The following ARHGAP44 variants were observed in gnomAD, a reference collection of about 807,000 sequenced individuals.
ARHGAP44 encodes the protein rho GTPase-activating protein 44.
In ARHGAP44, 43 loss-of-function variants were observed where a neutral mutation model predicts 106.8. That is an observed-to-expected ratio of 0.40 (90% CI 0.32 to 0.52). ARHGAP44 has a LOEUF of 0.52. ARHGAP44 is among the 20% of genes least tolerant of loss of function. ARHGAP44 has a pLI of 0.48. For missense variants in ARHGAP44, 866 were observed against 1,050.5 expected, an observed-to-expected ratio of 0.82 and a Z score of 2.43; for synonymous variants, 439 against 410.3, an observed-to-expected ratio of 1.07 and a Z score of -0.85.
chr17:12,941,127 A>G lies in ARHGAP44; in HGVS notation c.651+3A>G, dbSNP rs977906592. 3 of 1,613,678 alleles carry G rather than the reference A, an allele frequency of 1.9e-6. No individual in the cohort carries two copies. The highest frequency in any genetic ancestry group is 2.7e-5 in the African/African-American group (2 of 74,922). ...ACTATGCAAACTACTTTCAAACGGT[A>G]AGTGCCCAGAAAGGTGAGATTGCTT... is the stretch of plus-strand genomic sequence containing the variant. On this transcript the variant is annotated splice_donor_region_variant and intron_variant, in intron 8 of 20. Coordinates refer to ENST00000379672, the MANE Select transcript of ARHGAP44 (RefSeq NM_014859.6).
At chr17:12,843,013 G>C (rs757240359) in intron 1 of ARHGAP44, among the ~76,000 whole-genome samples, 1 of 152,016 alleles carries the variant, frequency 6.6e-6, no homozygotes, top group Non-Finnish European at 1.5e-5. Flanking sequence ...GCTGGGAGAG[G>C]GTAGTTTTCT....
At chr17:12,954,597 G>A (rs939840456) in intron 13 of ARHGAP44, among the ~76,000 whole-genome samples, 1 of 152,114 alleles carries the variant, frequency 6.6e-6, no homozygotes. Flanking sequence ...CTTTCTACCG[G>A]GCTCACGAAG....
In ARHGAP44 at chr17:12,952,464, C is replaced by T. The variant is rs774145716; in HGVS notation, c.1056-37C>T. ...GATTTCCGATGAGACTTTATTGATT[C>T]GTGCTCAACCAATGACCTTTCCTAT... On this transcript the variant is annotated intron_variant, in intron 12 of 20. Transcript: ENST00000379672. 5.4e-5 allele frequency: 79 copies of T among 1,451,712 alleles called. 1 individual carries two copies. In the Admixed American group the frequency reaches 1.2e-3, roughly 22 times the overall value. The allele number at this position is 1,451,712 out of a possible 1,614,324, so 89.9% of individuals were successfully genotyped here.
chr17:12,846,849 G>A (rs2035584502), intron 1 of ARHGAP44, among the ~76,000 whole-genome samples: 2 of 152,218 alleles, frequency 1.3e-5, no homozygotes, highest in Non-Finnish European at 2.9e-5. Context: ...CATTTTGCGT[G>A]CACAGCAATC....
At chr17:12,824,688 A>G (rs2150801983) in intron 1 of ARHGAP44, among the ~76,000 whole-genome samples, 1 of 152,210 alleles carries the variant, frequency 6.6e-6, no homozygotes, top group South Asian at 2.1e-4. Context: ...GGTGTTTCCC[A>G]TCACTCAGAG....
At chr17:12,836,159 A>G (rs2035231157) in intron 1 of ARHGAP44, among the ~76,000 whole-genome samples, 1 of 152,186 alleles carries the variant, frequency 6.6e-6, no homozygotes, top group African/African-American at 2.4e-5. Flanking sequence ...ATATATTCCC[A>G]GAAGTGGGAA....
intron 1 of ARHGAP44, among the ~76,000 whole-genome samples, chr17:12,822,473 A>T (rs1289411116): frequency 6.6e-6 from 1 of 152,144 alleles, no homozygotes; most frequent in Non-Finnish European, 1.5e-5. Flanking sequence ...TCTGGGTTAA[A>T]GCTCTGATAC....
At chr17:12,860,856 C>CTTTTTTTTTTTTT (rs71144929) in intron 1 of ARHGAP44, among the ~76,000 whole-genome samples, 1 of 135,814 alleles carries the variant, frequency 7.4e-6, no homozygotes, top group Non-Finnish European at 1.6e-5. Context: ...TTTTTCTATT[C>CTTTTTTTTTTTTT]TTTTTTTTTT....
At chr17:12,901,082 C>T (rs1025609952) in intron 3 of ARHGAP44, among the ~76,000 whole-genome samples, 81 of 152,132 alleles carry the variant, frequency 5.3e-4, no homozygotes, top group African/African-American at 1.9e-3. Context: ...TGCCACCATG[C>T]CCAGCTAACT....
rs1004798215 is a variant in ARHGAP44 at position 12,915,939 on chromosome 17, G to C, written c.315G>C (p.Leu105=). ...LKLCGETEDK[L]AQELIHFELQ... ...TCTGTGGAGAGACGGAGGACAAGCTGGCTCAGGAGCTGATACATTTTGAGT... is the reference window on the plus strand; with the variant it reads ...TCTGTGGAGAGACGGAGGACAAGCTCGCTCAGGAGCTGATACATTTTGAGT... Residue 105 remains leucine, a synonymous_variant, in exon 5 of 21, where the codon CTG becomes CTC. Coordinates refer to ENST00000379672, the MANE Select transcript of ARHGAP44 (RefSeq NM_014859.6). 12 of 1,613,794 alleles carry C rather than the reference G, an allele frequency of 7.4e-6. No homozygotes were observed. The African/African-American group carries it at 1.1e-4, about 14-fold the overall frequency.
At chr17:12,973,276 A>G (rs1371003209) in intron 16 of ARHGAP44, 26 bp from the exon 17 acceptor site, 7 of 1,602,276 alleles carry the variant, frequency 4.4e-6, no homozygotes, top group South Asian at 2.3e-5. Flanking sequence ...TTTGAAACTA[A>G]TATCTGTATG....
At chr17:12,798,411 A>T (rs1363940571) in intron 1 of ARHGAP44, among the ~76,000 whole-genome samples, 2 of 152,184 alleles carry the variant, frequency 1.3e-5, no homozygotes, top group African/African-American at 4.8e-5. Context: ...ATTTGCAGAT[A>T]ATCACAATGT....
At chr17:12,918,077 T>C (rs1374870236) in intron 5 of ARHGAP44, among the ~76,000 whole-genome samples, 1 of 152,202 alleles carries the variant, frequency 6.6e-6, no homozygotes, top group African/African-American at 2.4e-5. Context: ...CTTGGAGCAT[T>C]CACGAGGTCC....
In ARHGAP44 at chr17:12,963,717, A is replaced by G. The variant is rs113640036; in HGVS notation, c.1523+4820A>G. ...CCATGCACCAGTGCCGTGTGTGCAGACAGGCCGGCCTTGCGAAGCCCTGCC... is the reference window on the plus strand; with the variant it reads ...CCATGCACCAGTGCCGTGTGTGCAGGCAGGCCGGCCTTGCGAAGCCCTGCC... On this transcript the variant is annotated intron_variant, in intron 16 of 20. Transcript: ENST00000379672. Among the ~76,000 whole-genome samples the G allele has an allele frequency of 5.5e-4, 83 of 152,204 alleles. No homozygotes were observed. The South Asian group carries it at 0.015, about 27-fold the overall frequency.
In ARHGAP44 at chr17:12,851,183, G is replaced by A. The variant is rs186826711; in HGVS notation, c.54-43757G>A. Among the ~76,000 whole-genome samples, 5 of 152,284 alleles carry A rather than the reference G, an allele frequency of 3.3e-5. No individual in the cohort carries two copies. In the East Asian group the frequency reaches 5.8e-4, roughly 18 times the overall value. On this transcript the variant is annotated intron_variant, in intron 1 of 20. Coordinates refer to ENST00000379672, the MANE Select transcript of ARHGAP44 (RefSeq NM_014859.6). ...CCTGTCAGCCATGTGGCCTGCCCAC[G>A]TAAAGGCTGGCACCTCCGCTGTGGC... is the stretch of plus-strand genomic sequence containing the variant.
intron 10 of ARHGAP44, 23 bp downstream of exon 10, chr17:12,944,219 G>T: frequency 6.4e-7 from 1 of 1,570,586 alleles, no homozygotes; most frequent in Non-Finnish European, 8.7e-7. Context: ...ACAGCCACAC[G>T]CCGCCCCGGG....
At chr17:12,840,102 A>G (rs2035348234) in intron 1 of ARHGAP44, among the ~76,000 whole-genome samples, 1 of 152,080 alleles carries the variant, frequency 6.6e-6, no homozygotes, top group South Asian at 2.1e-4. Flanking sequence ...TTTCTTAATT[A>G]ATTCTTTATG....
Position 12,980,042 on chromosome 17 carries a change from T to TGTGCTTTC in ARHGAP44, c.1764-13_1764-6dup, listed in dbSNP as rs2039791973. ...AGTTCAGGGCTTTTCTTTTGTCTCA[T>TGTGCTTTC]GTGCTTTCGTTTCAGCACAACAAAA... On this transcript the variant is annotated splice_polypyrimidine_tract_variant and intron_variant, in intron 18 of 20. Coordinates refer to ENST00000379672, the MANE Select transcript of ARHGAP44 (RefSeq NM_014859.6). 6.3e-7 allele frequency: 1 copy of TGTGCTTTC among 1,590,612 alleles called. No homozygotes were observed. Among genetic ancestry groups the TGTGCTTTC allele is most frequent in the African/African-American group, 1.4e-5 (1 of 73,984 alleles).
chr17:12,965,238 G>T (rs888030138), intron 16 of ARHGAP44, among the ~76,000 whole-genome samples: 7 of 152,148 alleles, frequency 4.6e-5, no homozygotes, highest in Admixed American at 3.3e-4. Flanking sequence ...CCAACATACA[G>T]CTCCTCTTTG....
Sources: gnomAD v4.1 joint callset for allele counts (sites outside exome capture counted in the v4.1 genomes callset) on GRCh38, gnomAD v4.1.1 for gene constraint, MANE v1.5 for transcripts, NCBI Gene and HGNC (gene_info 2026-07-23, HGNC 2026-07-21) for gene names.